The following CMTM4 variants were observed in gnomAD, a reference collection of about 807,000 sequenced individuals.
CMTM4 encodes CKLF-like MARVEL transmembrane domain-containing protein 4.
CMTM4 carries 8 observed loss-of-function variants against 19.0 expected under a neutral mutation model. The observed-to-expected ratio is 0.42, with a 90% confidence interval of 0.25 to 0.76. The LOEUF (loss-of-function observed/expected upper bound fraction) is 0.76, where lower values mean the gene tolerates loss of function less well. Ranked by LOEUF, CMTM4 falls within the 30% of genes least tolerant of loss-of-function variation. The pLI is 0.27. For synonymous variants in CMTM4, 106 were observed against 121.1 expected, an observed-to-expected ratio of 0.88 and a Z score of 0.82; for missense variants, 228 against 290.2, an observed-to-expected ratio of 0.79 and a Z score of 1.56.
chr16:66,639,418 C>G (rs1002548245), intron 1 of CMTM4, among the ~76,000 whole-genome samples: 2 of 151,912 alleles, frequency 1.3e-5, no homozygotes, highest in Non-Finnish European at 2.9e-5. Flanking sequence ...TGGCAGTGAA[C>G]AAAACAGACA....
intron 1 of CMTM4, among the ~76,000 whole-genome samples, chr16:66,693,673 AACAG>A (rs1443450098): frequency 1.3e-5 from 2 of 152,192 alleles, no homozygotes; most frequent in Non-Finnish European, 2.9e-5. Context: ...ATTAACAAAC[AACAG>A]AGTTAGGCGA....
In CMTM4 at chr16:66,636,030, T is replaced by C. The variant is rs376489182; in HGVS notation, c.363+375A>G. 9.9e-5 allele frequency among the ~76,000 whole-genome samples: 15 copies of C among 152,218 alleles called. No individual in the cohort carries two copies. In the East Asian group the frequency reaches 1.9e-3, roughly 20 times the overall value. On this transcript the variant is annotated intron_variant, in intron 2 of 3. Coordinates refer to ENST00000394106, the MANE Select transcript of CMTM4 (RefSeq NM_181521.3). ...CATTTTCATTCATATTTTCAATTCT[T>C]CCAGAATCAATATTTTTATAAATGG...
chr16:66,622,799 T>C lies in CMTM4; in HGVS notation c.463-577A>G, dbSNP rs2015663956. On this transcript the variant is annotated intron_variant, in intron 3 of 3. Transcript: ENST00000394106. This position sits in a 1 kb window ranked among gnomAD's most constrained non-coding sequence, Gnocchi z 4.0. ...CTCCAGAGTAAGAAGCACAGAGTTT[T>C]AATTATTAAGACTTACAAATCGCCT... Among the ~76,000 whole-genome samples the C allele has an allele frequency of 6.6e-6, 1 of 152,222 alleles. No individual in the cohort carries two copies. The highest frequency in any genetic ancestry group is 1.5e-5 in the Non-Finnish European group (1 of 68,046).
At chr16:66,656,905 A>G (rs187752303) in intron 1 of CMTM4, among the ~76,000 whole-genome samples, 2 of 152,252 alleles carry the variant, frequency 1.3e-5, no homozygotes, top group African/African-American at 4.8e-5. Context: ...TTCAACTGTC[A>G]ATGACATGAA....
At chr16:66,641,418 TTGTTA>T (rs2016096008) in intron 1 of CMTM4, among the ~76,000 whole-genome samples, 2 of 152,232 alleles carry the variant, frequency 1.3e-5, no homozygotes, top group East Asian at 3.8e-4. Flanking sequence ...AAAACTCTTG[TTGTTA>T]TAAAACATTA....
the CMTM4 span, among the ~76,000 whole-genome samples, chr16:66,599,813 GAA>G: frequency 6.6e-6 from 1 of 152,054 alleles, no homozygotes; most frequent in Non-Finnish European, 1.5e-5. Flanking sequence ...ATTAGGAAAC[GAA>G]AAGAAGCCAG....
chr16:66,683,806 A>G (rs1466066158), intron 1 of CMTM4, among the ~76,000 whole-genome samples: 1 of 151,276 alleles, frequency 6.6e-6, no homozygotes, highest in East Asian at 2.0e-4. Flanking sequence ...TCTATTCCAG[A>G]TGTGGGGGGA....
chr16:66,600,396 C>T, the CMTM4 span, among the ~76,000 whole-genome samples: 1 of 152,084 alleles, frequency 6.6e-6, no homozygotes, highest in Non-Finnish European at 1.5e-5. Context: ...TAGCCCACCT[C>T]AGCCTCCCAA....
At chr16:66,610,060 G>C, downstream of CMTM4, 1 of 1,598,524 alleles carries the variant, frequency 6.3e-7, no homozygotes, top group Non-Finnish European at 8.5e-7. The surrounding 1 kb of genome is among the most constrained non-coding windows in gnomAD (Gnocchi z 4.6). Flanking sequence ...GCCCTCCCTC[G>C]GGGATGCCAG....
rs1230099247 is a variant in CMTM4, at chr16:66,621,894, G to A, written c.*164C>T. ...AACGTGGGCCTCCCAACTCCACCGC[G>A]GACCCGCCCACTGGGCCACTCGGGA... On this transcript the variant is annotated 3_prime_UTR_variant, in exon 4 of 4. Transcript: ENST00000394106. 18 of 1,429,970 alleles carry A rather than the reference G, an allele frequency of 1.3e-5. No homozygotes were observed. Among genetic ancestry groups the A allele is most frequent in the East Asian group, 7.6e-5 (3 of 39,652 alleles). The allele number at this position is 1,429,970 out of a possible 1,614,324, so 88.6% of individuals were successfully genotyped here. A position where few individuals can be genotyped will look rare whatever the true frequency, so the allele number is the denominator to read the frequency against.
chr16:66,609,992 A>G, downstream of CMTM4: 1 of 1,614,176 alleles, frequency 6.2e-7, no homozygotes, highest in Non-Finnish European at 8.5e-7. This position sits in a 1 kb window ranked among gnomAD's most constrained non-coding sequence, Gnocchi z 4.4. Context: ...ACCACAGCCC[A>G]CAAGACAGAA....
intron 2 of CMTM4, among the ~76,000 whole-genome samples, chr16:66,629,966 T>C (rs2015817083): frequency 6.6e-6 from 1 of 152,190 alleles, no homozygotes; most frequent in South Asian, 2.1e-4. Flanking sequence ...GTTTAAAACA[T>C]ATCAGTAATT....
intron 1 of CMTM4, among the ~76,000 whole-genome samples, chr16:66,638,055 C>A (rs549399448): frequency 5.3e-5 from 8 of 152,160 alleles, no homozygotes; most frequent in Non-Finnish European, 1.2e-4. Flanking sequence ...TTCCAATGCT[C>A]CACTTGATGA....
the CMTM4 span, chr16:66,604,140 CGT>C: frequency 1.3e-4 from 20 of 148,474 alleles, no homozygotes; most frequent in Admixed American, 2.7e-4. Flanking sequence ...CGCGCGCGCG[CGT>C]GTGTGTGTGT....
the CMTM4 span, among the ~76,000 whole-genome samples, chr16:66,599,132 A>G: frequency 2.0e-5 from 3 of 152,022 alleles, no homozygotes; most frequent in Non-Finnish European, 4.4e-5. Flanking sequence ...TTACCAAAAA[A>G]AAAAAAATTT....
chr16:66,639,782 C>T (rs1222817392), intron 1 of CMTM4, among the ~76,000 whole-genome samples: 1 of 152,016 alleles, frequency 6.6e-6, no homozygotes, highest in Admixed American at 6.6e-5. Context: ...CATCAAAAGG[C>T]TGAGGTGGGT....
intron 1 of CMTM4, among the ~76,000 whole-genome samples, chr16:66,646,977 G>C (rs1157912374): frequency 6.6e-6 from 1 of 151,670 alleles, no homozygotes; most frequent in Non-Finnish European, 1.5e-5. Context: ...AAAGTGCTGG[G>C]ATTACAGGCG....
Position 66,654,373 on chromosome 16 carries a change from C to T in CMTM4, c.187-17792G>A, listed in dbSNP as rs552581302. 2.0e-5 allele frequency among the ~76,000 whole-genome samples: 3 copies of T among 152,276 alleles called. No homozygotes were observed. The South Asian group carries it at 6.2e-4, about 32-fold the overall frequency. On this transcript the variant is annotated intron_variant, in intron 1 of 3. Transcript: ENST00000394106. The stretch of plus-strand genomic sequence containing the variant: ...CTGCTCCCCCTTGCCATCCTGCCTC[C>T]TGTCACATGGCAGGTGCTCTCCAGG...
intron 1 of CMTM4, among the ~76,000 whole-genome samples, chr16:66,650,316 A>G (rs1265491408): frequency 6.6e-6 from 1 of 152,236 alleles, no homozygotes; most frequent in Non-Finnish European, 1.5e-5. Context: ...TTCTGGCCAA[A>G]GAACCGAACA....
Sources: allele counts gnomAD v4.1 joint callset (sites outside exome capture counted in the v4.1 genomes callset), GRCh38; gene constraint gnomAD v4.1.1; non-coding constraint Gnocchi (gnomAD v3.1); transcripts MANE v1.5; gene names NCBI Gene and HGNC (gene_info 2026-07-23, HGNC 2026-07-21).